PACRG: variants seen among roughly 807,000 people sequenced by gnomAD.
PACRG encodes the protein parkin coregulated gene protein.
In PACRG, 29 loss-of-function variants were observed where a neutral mutation model predicts 29.7. That is an observed-to-expected ratio of 0.98 (90% confidence interval 0.73 to 1.33). The LOEUF is 1.33. PACRG is among the 40% of genes most tolerant of loss of function. The pLI is 0.00. For synonymous variants in PACRG, 116 were observed against 118.7 expected (o/e 0.98, Z 0.15); for missense variants, 279 against 316.2 (o/e 0.88, Z 0.89).
chr6:162,901,938 T>C (rs773387523), intron 2 of PACRG, among the ~76,000 whole-genome samples: 4 of 152,234 alleles, frequency 2.6e-5, no homozygotes, highest in South Asian at 4.1e-4. Context: ...CAAATGCCTA[T>C]TGGATATATT....
At chr6:163,097,901 A>G (rs1188543884) in intron 4 of PACRG, among the ~76,000 whole-genome samples, 1 of 152,186 alleles carries the variant, frequency 6.6e-6, no homozygotes, top group Non-Finnish European at 1.5e-5. Context: ...GAGGGTATGG[A>G]ATGGGGAAAG....
chr6:162,802,776 A>G (rs1785985921), intron 1 of PACRG, among the ~76,000 whole-genome samples: 2 of 152,032 alleles, frequency 1.3e-5, no homozygotes, highest in South Asian at 4.1e-4. Flanking sequence ...TCCCTTTATT[A>G]TTAAAAAACA....
chr6:163,159,581 C>T (rs1164610220), intron 4 of PACRG, among the ~76,000 whole-genome samples: 3 of 152,036 alleles, frequency 2.0e-5, no homozygotes, highest in African/African-American at 7.2e-5. Flanking sequence ...CTTCCTCAGC[C>T]ACTGTATTCA....
intron 2 of PACRG, among the ~76,000 whole-genome samples, chr6:162,913,736 C>A (rs1471491660): frequency 6.6e-6 from 1 of 152,156 alleles, no homozygotes. Flanking sequence ...TATAGTCAAT[C>A]CTTTTAATTT....
intron 4 of PACRG, among the ~76,000 whole-genome samples, chr6:163,205,130 G>A (rs915152553): frequency 6.6e-6 from 1 of 152,184 alleles, no homozygotes; most frequent in Non-Finnish European, 1.5e-5. Context: ...TTGTTAAAAT[G>A]GCCATACTGC....
chr6:163,096,029 A>G (rs1239319443), intron 4 of PACRG, among the ~76,000 whole-genome samples: 1 of 152,182 alleles, frequency 6.6e-6, no homozygotes, highest in Non-Finnish European at 1.5e-5. Flanking sequence ...GCACGGACTA[A>G]TGAAAACTCC....
Position 163,055,366 on chromosome 6 carries a change from A to T in PACRG, c.292-6784A>T, listed in dbSNP as rs1810480956. Among the ~76,000 whole-genome samples, 1 of 152,068 alleles carries T rather than the reference A, an allele frequency of 6.6e-6. No homozygotes were observed. Among genetic ancestry groups the T allele is most frequent in the Admixed American group, 6.6e-5 (1 of 15,264 alleles). ...TGCACACACACACGCACACACACGC[A>T]CACATATACACACATGCACTCACAT... On this transcript the variant is annotated intron_variant, in intron 2 of 4. Transcript: ENST00000366888. The surrounding 1 kb of genome is among the most constrained non-coding windows in gnomAD (Gnocchi z 4.0).
chr6:162,791,706 A>T (rs1784963872), intron 1 of PACRG, among the ~76,000 whole-genome samples: 1 of 152,212 alleles, frequency 6.6e-6, no homozygotes, highest in Non-Finnish European at 1.5e-5. Flanking sequence ...TAAAATATAT[A>T]GCATCCCATC....
intron 2 of PACRG, among the ~76,000 whole-genome samples, chr6:163,006,121 C>A (rs1805075533): frequency 3.1e-5 from 4 of 131,076 alleles, no homozygotes; most frequent in Non-Finnish European, 4.8e-5. Context: ...AGAAACAAAA[C>A]CCATATATAT....
intron 1 of PACRG, among the ~76,000 whole-genome samples, chr6:162,764,014 G>A (rs894096200): frequency 4.6e-5 from 7 of 152,152 alleles, no homozygotes; most frequent in African/African-American, 1.4e-4. Flanking sequence ...GGTGGCTCAC[G>A]CCTGTAATTC....
At chr6:163,094,094 C>T (rs543602276) in intron 4 of PACRG, among the ~76,000 whole-genome samples, 23 of 152,182 alleles carry the variant, frequency 1.5e-4, no homozygotes, top group Non-Finnish European at 2.2e-4. Flanking sequence ...TCTCTGGGAC[C>T]AATTCTCATG....
At chr6:163,273,144 C>T (rs973876899) in intron 4 of PACRG, among the ~76,000 whole-genome samples, 15 of 151,862 alleles carry the variant, frequency 9.9e-5, no homozygotes, top group South Asian at 2.1e-4. Flanking sequence ...CCGCCCGCCT[C>T]GGCCTCCCAA....
At chr6:162,944,592 A>T (rs1190076403) in intron 2 of PACRG, among the ~76,000 whole-genome samples, 2 of 152,206 alleles carry the variant, frequency 1.3e-5, no homozygotes, top group Admixed American at 6.5e-5. Flanking sequence ...GCAATTCAGG[A>T]TATGAATAAG....
At chr6:162,736,673 T>C (rs781231398) in intron 1 of PACRG, among the ~76,000 whole-genome samples, 1 of 151,708 alleles carries the variant, frequency 6.6e-6, no homozygotes, top group Non-Finnish European at 1.5e-5. Flanking sequence ...CCATAAATAA[T>C]TATGTTGTAA....
At chr6:162,813,435 G>A (rs4708974) in intron 1 of PACRG, among the ~76,000 whole-genome samples, 10,556 of 152,026 alleles carry the variant, frequency 0.069, 481 homozygotes, top group East Asian at 0.28. Context: ...TGTAAATACA[G>A]ATTTAAAAGA....
At chr6:163,102,605 T>A (rs955348142) in intron 4 of PACRG, among the ~76,000 whole-genome samples, 2 of 152,208 alleles carry the variant, frequency 1.3e-5, no homozygotes, top group African/African-American at 4.8e-5. Flanking sequence ...TGTATATGAT[T>A]TTTGCTAAAT....
At chr6:163,269,514 T>C (rs1350431500) in intron 4 of PACRG, among the ~76,000 whole-genome samples, 2 of 152,206 alleles carry the variant, frequency 1.3e-5, no homozygotes, top group African/African-American at 4.8e-5. Context: ...GTTCTTTGAT[T>C]CAGTTCGCTA....
At chr6:162,979,925 T>G (rs1802265904) in intron 2 of PACRG, among the ~76,000 whole-genome samples, 1 of 152,032 alleles carries the variant, frequency 6.6e-6, no homozygotes, top group African/African-American at 2.4e-5. Flanking sequence ...GGCCTAAAGT[T>G]GGTAAATAAT....
chr6:162,874,151 A>AATATATAT (rs1554296145), intron 2 of PACRG, among the ~76,000 whole-genome samples: 46 of 136,296 alleles, frequency 3.4e-4, no homozygotes, highest in South Asian at 2.1e-3. Flanking sequence ...AAAAAAAAAA[A>AATATATAT]ATATATATAT....
Sources: gnomAD v4.1 joint callset for allele counts (sites outside exome capture counted in the v4.1 genomes callset) on GRCh38, gnomAD v4.1.1 for gene constraint, Gnocchi (gnomAD v3.1) non-coding constraint, MANE v1.5 for transcripts, NCBI Gene and HGNC (gene_info 2026-07-23, HGNC 2026-07-21) for gene names.